Variants in KIAA1328 observed in about 807,000 individuals in gnomAD.
KIAA1328 encodes the protein protein hinderin.
KIAA1328 carries 52 observed loss-of-function variants against 68.1 expected under a neutral mutation model. That is an observed-to-expected ratio of 0.76 (90% CI 0.61 to 0.96). KIAA1328 has a LOEUF of 0.96. Among genes scored for constraint, KIAA1328 ranks in the 40% least tolerant of loss-of-function variants. The pLI, the probability that KIAA1328 is intolerant of heterozygous loss-of-function variation, is 0.00. For missense variants in KIAA1328, 641 were observed against 677.6 expected (o/e 0.95, Z 0.60); for synonymous variants, 232 against 239.4 (o/e 0.97, Z 0.28).
At chr18:37,166,257 C>A (rs567137756) in intron 8 of KIAA1328, among the ~76,000 whole-genome samples, 1 of 152,226 alleles carries the variant, frequency 6.6e-6, no homozygotes, top group South Asian at 2.1e-4. Flanking sequence ...AAAACCAATT[C>A]TTAGCCAGGA....
At chr18:37,026,838 A>G (rs888996025) in intron 6 of KIAA1328, among the ~76,000 whole-genome samples, 1 of 152,004 alleles carries the variant, frequency 6.6e-6, no homozygotes, top group Non-Finnish European at 1.5e-5. Context: ...CTCTCTCACC[A>G]CTCCTATTCA....
intron 4 of KIAA1328, among the ~76,000 whole-genome samples, chr18:36,878,232 C>G (rs2048205842): frequency 2.0e-5 from 3 of 152,110 alleles, no homozygotes; most frequent in Admixed American, 2.0e-4. Context: ...GTGACAAAAT[C>G]TCTCAGGGTT....
intron 5 of KIAA1328, among the ~76,000 whole-genome samples, chr18:36,957,793 A>G (rs2051485114): frequency 6.6e-6 from 1 of 152,190 alleles, no homozygotes; most frequent in Non-Finnish European, 1.5e-5. Context: ...TTTTTAAAAT[A>G]ATAACTTTAT....
intron 4 of KIAA1328, among the ~76,000 whole-genome samples, chr18:36,855,493 T>C (rs2047353283): frequency 6.6e-6 from 1 of 152,172 alleles, no homozygotes; most frequent in Non-Finnish European, 1.5e-5. Context: ...CATTTTTTAA[T>C]TGGATTGTTT....
chr18:37,087,048 T>A (rs956706833), intron 7 of KIAA1328, among the ~76,000 whole-genome samples: 2 of 152,160 alleles, frequency 1.3e-5, no homozygotes, highest in Admixed American at 6.5e-5. Flanking sequence ...CTATATTTCA[T>A]ATCAGGTTTT....
chr18:37,105,669 T>G (rs745872896), intron 7 of KIAA1328, among the ~76,000 whole-genome samples: 32 of 151,986 alleles, frequency 2.1e-4, no homozygotes, highest in Non-Finnish European at 4.1e-4. Context: ...CTCATGCCTA[T>G]TATCCCAGCA....
chr18:36,941,118 G>C (rs1015429408), intron 5 of KIAA1328, among the ~76,000 whole-genome samples: 2 of 152,128 alleles, frequency 1.3e-5, no homozygotes, highest in Non-Finnish European at 2.9e-5. Flanking sequence ...TGTCAAATTA[G>C]AGCAGGGACA....
chr18:37,147,662 T>G (rs541971805), intron 7 of KIAA1328, among the ~76,000 whole-genome samples: 5 of 152,200 alleles, frequency 3.3e-5, no homozygotes, highest in Non-Finnish European at 7.3e-5. Flanking sequence ...TTTTGGTCTT[T>G]GTTAGAGAAG....
intron 9 of KIAA1328, among the ~76,000 whole-genome samples, chr18:37,212,998 C>T (rs949932588): frequency 6.6e-6 from 1 of 152,168 alleles, no homozygotes; most frequent in African/African-American, 2.4e-5. Flanking sequence ...GGATTACAGG[C>T]GTGCGCCACT....
At chr18:36,927,411 T>G (rs1192058286) in intron 5 of KIAA1328, among the ~76,000 whole-genome samples, 4 of 152,178 alleles carry the variant, frequency 2.6e-5, no homozygotes, top group African/African-American at 9.7e-5. Context: ...TTGGTAATAG[T>G]AATAACTTTT....
At chr18:37,035,370 C>G (rs544644437) in intron 6 of KIAA1328, among the ~76,000 whole-genome samples, 1 of 152,288 alleles carries the variant, frequency 6.6e-6, no homozygotes, top group East Asian at 1.9e-4. Context: ...GGAGGTGGAG[C>G]CCAGATATAT....
intron 5 of KIAA1328, among the ~76,000 whole-genome samples, chr18:36,908,587 C>T (rs2049308811): frequency 6.6e-6 from 1 of 152,120 alleles, no homozygotes; most frequent in African/African-American, 2.4e-5. Context: ...AGCAGTATCC[C>T]CTTCGGCCTC....
At chr18:37,218,738 T>G (rs998730368) in intron 9 of KIAA1328, among the ~76,000 whole-genome samples, 2 of 152,210 alleles carry the variant, frequency 1.3e-5, no homozygotes, top group Non-Finnish European at 2.9e-5. Context: ...GGTTTTTAGC[T>G]TCCTTGAGAT....
rs983579773 is a variant in KIAA1328, at chr18:36,973,850, C to CACACAT, written c.576+14416_576+14417insCACATA. Among the ~76,000 whole-genome samples the CACACAT allele has an allele frequency of 1.6e-3, 245 of 149,210 alleles. 3 individuals carry two copies. Among genetic ancestry groups the CACACAT allele is most frequent in the Non-Finnish European group, 5.3e-4 (36 of 67,662 alleles). On this transcript the variant is annotated intron_variant, in intron 6 of 9. Transcript: ENST00000280020. ...ACACATACACACACACACACACACA[C>CACACAT]ATATATATCTTCAAAAATTCTATTT...
intron 5 of KIAA1328, chr18:36,954,397 G>A (rs928532720): frequency 1.3e-5 from 2 of 152,108 alleles, no homozygotes; most frequent in Non-Finnish European, 2.9e-5. Flanking sequence ...TCATGCAATT[G>A]GACATACATA....
intron 4 of KIAA1328, among the ~76,000 whole-genome samples, chr18:36,879,230 T>C (rs774292744): frequency 2.6e-5 from 4 of 152,164 alleles, no homozygotes; most frequent in Non-Finnish European, 5.9e-5. Context: ...TTGTTGATGT[T>C]GATGTTATTG....
chr18:36,871,309 C>T (rs1349487395), intron 4 of KIAA1328, among the ~76,000 whole-genome samples: 1 of 152,168 alleles, frequency 6.6e-6, no homozygotes, highest in Non-Finnish European at 1.5e-5. Flanking sequence ...TCCATCTCTA[C>T]TTCAGATGAT....
chr18:37,049,840 A>G (rs2055619977), intron 6 of KIAA1328, among the ~76,000 whole-genome samples: 1 of 152,146 alleles, frequency 6.6e-6, no homozygotes, highest in East Asian at 1.9e-4. Flanking sequence ...TATTTCTTAA[A>G]TACTGTTTTT....
At chr18:37,159,157 T>A (rs2059222067) in intron 7 of KIAA1328, among the ~76,000 whole-genome samples, 1 of 152,158 alleles carries the variant, frequency 6.6e-6, no homozygotes, top group Non-Finnish European at 1.5e-5. Context: ...ATAAAGCCAT[T>A]TACTTTCTTG....
Sources: allele counts gnomAD v4.1 joint callset (sites outside exome capture counted in the v4.1 genomes callset), GRCh38; gene constraint gnomAD v4.1.1; transcripts MANE v1.5; gene names NCBI Gene and HGNC (gene_info 2026-07-23, HGNC 2026-07-21).